Variants in PKD2L2 observed in about 807,000 individuals in gnomAD.
PKD2L2 encodes polycystin 2 like 2, transient receptor potential cation channel, also known as polycystin-2-like protein 2.
A neutral mutation model predicts 83.9 loss-of-function variants in PKD2L2; 67 were observed. The ratio of observed to expected loss-of-function variants is 0.80; its 90% CI spans 0.66 to 0.98. PKD2L2 has a LOEUF of 0.98. PKD2L2 is among the 50% of genes least tolerant of loss of function. PKD2L2 has a pLI of 0.00. For missense variants in PKD2L2, 632 were observed against 717.2 expected, an observed-to-expected ratio of 0.88 and a Z score of 1.36; for synonymous variants, 223 against 237.8, an observed-to-expected ratio of 0.94 and a Z score of 0.57.
intron 9 of PKD2L2, 135 bp downstream of exon 9, chr5:137,921,891 T>C (rs1758939408): frequency 1.5e-6 from 1 of 683,320 alleles, no homozygotes; most frequent in African/African-American, 1.8e-5. Context: ...GGATCCCTAG[T>C]AATCCAGGTT....
rs1756264370 is a variant in PKD2L2, at chr5:137,894,450, A to C, written c.365A>C (p.Glu122Ala). ...AAGAACAGCAGTCGCATCTACTATG[A>C]AAATATACTTCTAGGAGTTCCCAGA... ...NLKNSSRIYY[E>A]NILLGVPRVR... The change falls in exon 4 of 15, where the codon GAA becomes GCA. Residue 122 changes from glutamate to alanine, a missense_variant. Coordinates refer to ENST00000508883, the MANE Select transcript of PKD2L2 (RefSeq NM_001300921.2). 2.5e-6 allele frequency: 4 copies of C among 1,613,830 alleles called. No individual in the cohort carries two copies. Among genetic ancestry groups the C allele is most frequent in the Non-Finnish European group, 3.4e-6 (4 of 1,179,846 alleles).
intron 7 of PKD2L2, 63 bp from the exon 8 acceptor site, chr5:137,908,702 A>G: frequency 1.3e-6 from 1 of 774,066 alleles, no homozygotes; most frequent in Non-Finnish European, 2.0e-6. Context: ...TCTGAAATTA[A>G]TTTATTCTAA....
chr5:137,922,998 G>C lies in PKD2L2; in HGVS notation c.1450-422G>C, dbSNP rs985252110. 2.7e-5 allele frequency among the ~76,000 whole-genome samples: 4 copies of C among 148,660 alleles called. No homozygotes were observed. In the East Asian group the frequency reaches 7.9e-4, roughly 29 times the overall value. The stretch of plus-strand genomic sequence containing the variant: ...CTTTTAAAATTTGATTTTTTTTGTT[G>C]TTTTTCCTTTTTCTTTTCTTTTTTT... On this transcript the variant is annotated intron_variant, in intron 9 of 14. Transcript: ENST00000508883.
chr5:137,892,592 C>T lies in PKD2L2; in HGVS notation c.246C>T (p.Arg82=). 1 of 1,611,304 alleles carries T rather than the reference C, an allele frequency of 6.2e-7. No homozygotes were observed. The change falls in exon 3 of 15, where the codon CGC becomes CGT. Residue 82 remains arginine (R), a synonymous_variant. Coordinates refer to ENST00000508883, the MANE Select transcript of PKD2L2 (RefSeq NM_001300921.2). ...AAAGAACCAACTTTAAGTCCATTCG[C>T]AGCATAACTGATTTTTGGAAGGTAA... ...GEERTNFKSI[R]SITDFWKFME... is the part of the protein sequence containing the mutation.
At chr5:137,928,851 T>G (rs1759602489) in intron 12 of PKD2L2, among the ~76,000 whole-genome samples, 1 of 152,208 alleles carries the variant, frequency 6.6e-6, no homozygotes, top group South Asian at 2.1e-4. Context: ...ATTACAGGCA[T>G]GAGCGAGCCA....
chr5:137,922,158 A>G (rs1219062842), intron 9 of PKD2L2, among the ~76,000 whole-genome samples: 2 of 152,212 alleles, frequency 1.3e-5, no homozygotes, highest in African/African-American at 4.8e-5. Context: ...GATCTCTCAC[A>G]TGCACTCAGA....
chr5:137,890,669 C>T, intron 2 of PKD2L2, 87 bp downstream of exon 2: 2 of 579,198 alleles, frequency 3.5e-6, no homozygotes, highest in Non-Finnish European at 6.0e-6. Context: ...AACTTCAAAA[C>T]CACAGGCTGT....
At chr5:137,924,994 A>G (rs1052982617) in intron 10 of PKD2L2, 46 bp from the exon 11 acceptor site, 14 of 1,052,690 alleles carry the variant, frequency 1.3e-5, no homozygotes, top group Non-Finnish European at 1.8e-5. Flanking sequence ...TTAATAATCA[A>G]GGATATATTT....
At chr5:137,921,796 GAATA>G in intron 9 of PKD2L2, 40 bp downstream of exon 9, 2 of 1,420,658 alleles carry the variant, frequency 1.4e-6, no homozygotes, top group Non-Finnish European at 1.9e-6. Context: ...TTACTTTTTA[GAATA>G]AAAAGTAAAA....
intron 12 of PKD2L2, among the ~76,000 whole-genome samples, chr5:137,931,592 C>T (rs1759884841): frequency 1.3e-5 from 2 of 152,048 alleles, no homozygotes; most frequent in African/African-American, 4.8e-5. Flanking sequence ...GATCATTTTC[C>T]ACAAATGCTG....
At chr5:137,924,686 A>G (rs1439189221) in intron 10 of PKD2L2, among the ~76,000 whole-genome samples, 2 of 152,132 alleles carry the variant, frequency 1.3e-5, no homozygotes, top group Admixed American at 1.3e-4. Flanking sequence ...GCTATCCCCC[A>G]ATTAGTTTGC....
At chr5:137,890,321 T>G (rs1755849270) in intron 1 of PKD2L2, 160 bp from the exon 2 acceptor site, 9 of 549,726 alleles carry the variant, frequency 1.6e-5, no homozygotes, top group Admixed American at 4.0e-5. Context: ...AGTAAAAAAA[T>G]TATCCCTGCC....
intron 12 of PKD2L2, among the ~76,000 whole-genome samples, chr5:137,933,170 C>T (rs1760026196): frequency 6.6e-6 from 1 of 151,824 alleles, no homozygotes; most frequent in African/African-American, 2.4e-5. Context: ...TAAAACCCAA[C>T]ATCACAGAGT....
chr5:137,922,889 A>G (rs1759041544), intron 9 of PKD2L2, among the ~76,000 whole-genome samples: 2 of 152,108 alleles, frequency 1.3e-5, no homozygotes, highest in East Asian at 1.9e-4. Flanking sequence ...ATTTGCCCAT[A>G]CCCACACACT....
chr5:137,901,599 T>A (rs772685597), intron 5 of PKD2L2, among the ~76,000 whole-genome samples: 2 of 152,190 alleles, frequency 1.3e-5, no homozygotes, highest in Admixed American at 1.3e-4. Flanking sequence ...AACACCAGCT[T>A]CCAGTCTTTT....
At chr5:137,931,435 A>G (rs1759870161) in intron 12 of PKD2L2, among the ~76,000 whole-genome samples, 1 of 152,218 alleles carries the variant, frequency 6.6e-6, no homozygotes, top group Non-Finnish European at 1.5e-5. Context: ...TAAAGCAAAA[A>G]TCCTAAATAT....
At chr5:137,889,780 G>C (rs1052804618) in intron 1 of PKD2L2, among the ~76,000 whole-genome samples, 1 of 152,208 alleles carries the variant, frequency 6.6e-6, no homozygotes, top group African/African-American at 2.4e-5. Context: ...AGTGACCGTC[G>C]CTAGGCCGGT....
intron 3 of PKD2L2, 125 bp downstream of exon 3, chr5:137,892,738 C>A (rs1756098076): frequency 2.6e-6 from 2 of 780,138 alleles, no homozygotes; most frequent in Non-Finnish European, 4.0e-6. Flanking sequence ...TTTCTTTAAA[C>A]TATTAGAAAC....
At chr5:137,891,996 T>A (rs2149997490) in intron 2 of PKD2L2, among the ~76,000 whole-genome samples, 1 of 152,352 alleles carries the variant, frequency 6.6e-6, no homozygotes, top group South Asian at 2.1e-4. Flanking sequence ...TAGTTAATAT[T>A]TTTAAAAACT....
Sources: allele counts gnomAD v4.1 joint callset (sites outside exome capture counted in the v4.1 genomes callset), GRCh38; gene constraint gnomAD v4.1.1; transcripts MANE v1.5; gene names NCBI Gene and HGNC (gene_info 2026-07-23, HGNC 2026-07-21).